The following HDAC9 variants were observed in gnomAD, a reference collection of about 807,000 sequenced individuals.
The protein encoded by HDAC9 is histone deacetylase 9, also known as MEF-2 interacting transcription repressor (MITR) protein.
A neutral mutation model predicts 139.4 loss-of-function variants in HDAC9; 41 were observed. The ratio of observed to expected loss-of-function variants is 0.29; its 90% CI spans 0.23 to 0.38. The LOEUF (loss-of-function observed/expected upper bound fraction) is 0.38, where lower values mean the gene tolerates loss of function less well. Ranked by LOEUF, HDAC9 falls within the 10% of genes least tolerant of loss-of-function variation. The probability of loss-of-function intolerance (pLI) is 1.00; values close to 1 mark genes in which losing one functional copy is unlikely to be tolerated. For synonymous variants in HDAC9, 517 were observed against 476.2 expected, an observed-to-expected ratio of 1.09 and a Z score of -1.12; for missense variants, 1,147 against 1,297.0, an observed-to-expected ratio of 0.88 and a Z score of 1.78.
chr7:18,235,981 TTCTTTGCATTATACTGTATGAA>T (rs1271032520), intron 2 of HDAC9, among the ~76,000 whole-genome samples: 6 of 152,208 alleles, frequency 3.9e-5, no homozygotes, highest in Non-Finnish European at 8.8e-5. Context: ...AACTGCACAT[TTCTTTGCATTATACTGTATGAA>T]TCATCGTCAA....
intron 2 of HDAC9, among the ~76,000 whole-genome samples, chr7:18,248,504 T>C (rs184729037): frequency 1.3e-5 from 2 of 152,344 alleles, no homozygotes; most frequent in Non-Finnish European, 2.9e-5. Flanking sequence ...CTTGGTGGAA[T>C]TGTTGGCAGT....
intron 16 of HDAC9, among the ~76,000 whole-genome samples, chr7:18,792,083 G>A (rs540373382): frequency 5.3e-5 from 8 of 151,792 alleles, no homozygotes; most frequent in Non-Finnish European, 1.2e-4. Flanking sequence ...CTTATTTACT[G>A]TTCTCATTTA....
chr7:18,829,039 C>T (rs940644741), intron 17 of HDAC9, 122 bp from the exon 18 acceptor site: 4 of 739,398 alleles, frequency 5.4e-6, no homozygotes, highest in African/African-American at 3.4e-5. Context: ...ATCTCGGAAG[C>T]GTATGAGACT....
chr7:18,178,387 C>G (rs150055272), intron 2 of HDAC9, among the ~76,000 whole-genome samples: 125 of 152,294 alleles, frequency 8.2e-4, no homozygotes, highest in African/African-American at 2.9e-3. Context: ...ACCCGGCCCC[C>G]CTCTTTCTAA....
In HDAC9 at chr7:18,594,045, A is replaced by G. The variant is rs755145222; in HGVS notation, c.664+16A>G. The G allele has an allele frequency of 1.2e-6, 2 of 1,611,648 alleles. No homozygotes were observed. Among genetic ancestry groups the G allele is most frequent in the South Asian group, 1.1e-5 (1 of 91,002 alleles). On this transcript the variant is annotated intron_variant, in intron 6 of 25. Transcript: ENST00000686413. ...CGAAAAACTGGTAAGTTGGTTTAACAGGAACTCTGTTTGCTCTTCTGTAAC... is the reference window on the plus strand; with the variant it reads ...CGAAAAACTGGTAAGTTGGTTTAACGGGAACTCTGTTTGCTCTTCTGTAAC...
At chr7:18,930,812 A>AT (rs1215294893) in intron 22 of HDAC9, among the ~76,000 whole-genome samples, 1 of 152,204 alleles carries the variant, frequency 6.6e-6, no homozygotes, top group African/African-American at 2.4e-5. Flanking sequence ...AGGAATTTGG[A>AT]TAGAGATCAA....
chr7:18,648,825 T>C, intron 11 of HDAC9, 142 bp downstream of exon 11: 1 of 695,230 alleles, frequency 1.4e-6, no homozygotes, highest in Non-Finnish European at 2.4e-6. Flanking sequence ...CTTTCTTGGC[T>C]CAAGGACACC....
At chr7:18,411,447 T>C (rs1288038168) in intron 1 of HDAC9, among the ~76,000 whole-genome samples, 2 of 152,204 alleles carry the variant, frequency 1.3e-5, no homozygotes, top group African/African-American at 4.8e-5. Flanking sequence ...TGATTTTGGC[T>C]CACTGCAGCC....
intron 2 of HDAC9, chr7:18,496,635 G>A (rs1382433776): frequency 9.3e-6 from 3 of 321,444 alleles, no homozygotes; most frequent in Non-Finnish European, 1.7e-5. Context: ...AAAAGGAGCT[G>A]TGTACTGATT....
intron 2 of HDAC9, among the ~76,000 whole-genome samples, chr7:18,516,794 G>A (rs918088690): frequency 6.8e-6 from 1 of 147,112 alleles, no homozygotes. Context: ...CCAGGAGGCA[G>A]AGGTTGCAGT....
chr7:18,204,447 G>A (rs1791355510), intron 2 of HDAC9, among the ~76,000 whole-genome samples: 1 of 150,294 alleles, frequency 6.7e-6, no homozygotes, highest in Non-Finnish European at 1.5e-5. Flanking sequence ...TTTAACAAAT[G>A]GCTTTTCAAG....
Position 18,256,815 on chromosome 7 carries a change from C to T in HDAC9, c.25+94466C>T, listed in dbSNP as rs577346645. Among the ~76,000 whole-genome samples the T allele has an allele frequency of 3.3e-5, 5 of 152,146 alleles. No homozygotes were observed. In the East Asian group the frequency reaches 9.7e-4, roughly 29 times the overall value. Reference sequence around the variant, plus strand: ...TAAAATACATAAATGTGGCTGGGCACAGGGGCTCATGCATGTAATCCCAGC... The same window carrying T: ...TAAAATACATAAATGTGGCTGGGCATAGGGGCTCATGCATGTAATCCCAGC... On this transcript the variant is annotated intron_variant, in intron 2 of 12. Transcript: ENST00000417496.
chr7:18,525,990 A>G (rs989913273), intron 2 of HDAC9, among the ~76,000 whole-genome samples: 2 of 152,066 alleles, frequency 1.3e-5, no homozygotes, highest in African/African-American at 4.8e-5. Context: ...CCCCACTTTT[A>G]TCTCTTTGCC....
At chr7:18,588,399 A>G (rs745801210) in intron 3 of HDAC9, among the ~76,000 whole-genome samples, 3 of 152,166 alleles carry the variant, frequency 2.0e-5, no homozygotes, top group South Asian at 2.1e-4. Flanking sequence ...GAATATTTAC[A>G]TATCTGTACA....
intron 21 of HDAC9, among the ~76,000 whole-genome samples, chr7:18,842,227 G>C (rs529231885): frequency 6.6e-6 from 1 of 152,100 alleles, no homozygotes; most frequent in East Asian, 1.9e-4. Flanking sequence ...TTTTCCCAAG[G>C]ATGTTGAAGA....
intron 1 of HDAC9, among the ~76,000 whole-genome samples, chr7:18,320,406 T>C (rs897022691): frequency 2.6e-4 from 39 of 152,320 alleles, no homozygotes; most frequent in African/African-American, 8.7e-4. Flanking sequence ...TAATAATGAC[T>C]GAGGGAATAA....
chr7:18,891,547 C>T (rs1395332397), intron 22 of HDAC9, among the ~76,000 whole-genome samples: 1 of 152,170 alleles, frequency 6.6e-6, no homozygotes, highest in Non-Finnish European at 1.5e-5. Context: ...GAGTACCAGG[C>T]TTAAGAGCTA....
chr7:18,118,945 A>G (rs1784191509), intron 1 of HDAC9, among the ~76,000 whole-genome samples: 1 of 152,198 alleles, frequency 6.6e-6, no homozygotes, highest in Non-Finnish European at 1.5e-5. Context: ...AGACGGCATG[A>G]GTACCCCATT....
intron 1 of HDAC9, among the ~76,000 whole-genome samples, chr7:18,486,166 A>C (rs1299315788): frequency 6.6e-6 from 1 of 152,072 alleles, no homozygotes; most frequent in Non-Finnish European, 1.5e-5. Context: ...TGAAGGACCT[A>C]ATCACCTCCT....
Sources: gnomAD v4.1 joint callset for allele counts (sites outside exome capture counted in the v4.1 genomes callset) on GRCh38, gnomAD v4.1.1 for gene constraint, MANE v1.5 for transcripts, NCBI Gene and HGNC (gene_info 2026-07-23, HGNC 2026-07-21) for gene names.